Variants in ZBTB46 observed in about 807,000 individuals in gnomAD.
The protein encoded by ZBTB46 is zinc finger and BTB domain containing 46.
A neutral mutation model predicts 44.1 loss-of-function variants in ZBTB46; 8 were observed. The observed-to-expected ratio is 0.18, with a 90% CI of 0.11 to 0.33. The LOEUF (loss-of-function observed/expected upper bound fraction) is 0.33. Among genes scored for constraint, ZBTB46 ranks in the 10% least tolerant of loss-of-function variants. The probability of loss-of-function intolerance (pLI) is 1.00; values close to 1 mark genes in which losing one functional copy is unlikely to be tolerated. For missense variants in ZBTB46, 651 were observed against 847.7 expected (o/e 0.77, Z 2.88); for synonymous variants, 409 against 382.3 (o/e 1.07, Z -0.81).
intron 4 of ZBTB46, among the ~76,000 whole-genome samples, chr20:63,748,395 G>A (rs12053646): frequency 0.16 from 24,483 of 152,246 alleles, 2,717 homozygotes; most frequent in East Asian, 0.58. Flanking sequence ...GTGGGCTTCC[G>A]CTGAGGGTGG....
At position 63,765,693 on chromosome 20, in the gene ZBTB46, G is replaced by A. The variant is rs141568246; in HGVS notation, c.1222+9985C>T. 3.8e-3 allele frequency among the ~76,000 whole-genome samples: 554 copies of A among 145,858 alleles called. 4 individuals carry two copies. Among genetic ancestry groups the A allele is most frequent in the African/African-American group, 0.013 (519 of 38,588 alleles). On this transcript the variant is annotated intron_variant, in intron 3 of 4. Coordinates refer to ENST00000245663, the MANE Select transcript of ZBTB46 (RefSeq NM_001369741.1). ...AATCCTCCCGCCACAACCTCCCAAA[G>A]TACTGGGATTACAGGCATGAGCCAT...
At position 63,744,490 on chromosome 20, in the gene ZBTB46, A is replaced by AAAT. The variant is rs1183569369; in HGVS notation, c.*2437_*2439dup. 1 of 152,276 alleles carries AAAT rather than the reference A, an allele frequency of 6.6e-6. No homozygotes were observed. Among genetic ancestry groups the AAAT allele is most frequent in the African/African-American group, 2.4e-5 (1 of 41,432 alleles). 9.4% of individuals were successfully genotyped at this position (152,276 alleles called of 1,614,324 possible). ...CCAAAATACAAACAGACACAAACAAAAATACAAAATGTGAAATGTAATCTA... is the reference window on the plus strand; with the variant it reads ...CCAAAATACAAACAGACACAAACAAAAATAATACAAAATGTGAAATGTAATCTA... On this transcript the variant is annotated 3_prime_UTR_variant, in exon 5 of 5. Transcript: ENST00000245663.
chr20:63,776,865 A>G (rs904743779), intron 2 of ZBTB46, among the ~76,000 whole-genome samples: 1 of 152,184 alleles, frequency 6.6e-6, no homozygotes, highest in Admixed American at 6.6e-5. Context: ...CTGTAACTCA[A>G]TATAAAAATG....
intron 2 of ZBTB46, among the ~76,000 whole-genome samples, chr20:63,784,235 C>A (rs894346764): frequency 6.6e-6 from 1 of 152,224 alleles, no homozygotes; most frequent in Non-Finnish European, 1.5e-5. Context: ...CTGAGACCCG[C>A]CGGAGGCAGG....
In ZBTB46 at chr20:63,775,805, G is replaced by A. The variant is rs759299672; in HGVS notation, c.1095C>T (p.Thr365=). 5 of 1,613,420 alleles carry A rather than the reference G, an allele frequency of 3.1e-6. No individual in the cohort carries two copies. Among genetic ancestry groups the A allele is most frequent in the Non-Finnish European group, 4.2e-6 (5 of 1,179,990 alleles). Residue 365 remains threonine (T), a synonymous_variant, in exon 3 of 5, where the codon ACC becomes ACT. Transcript: ENST00000245663. ...GCGCCGCGCGCAGGTTGGCCACCGC[G>A]GTGGCCTGATGCAGGGCGTCGTCCT... is the stretch of plus-strand genomic sequence containing the variant. ...PEKDDALHQA[T]AVANLRAALM... is the part of the protein sequence containing the mutation.
At chr20:63,800,349 G>GA (rs2092634069) in intron 1 of ZBTB46, among the ~76,000 whole-genome samples, 2 of 152,362 alleles carry the variant, frequency 1.3e-5, no homozygotes, top group Admixed American at 1.3e-4. Context: ...GGGGTAGGGG[G>GA]AGAGGCTGCG....
rs146382366 is a variant in ZBTB46, at chr20:63,775,906, C to T, written c.994G>A (p.Glu332Lys). 13 of 1,605,572 alleles carry T rather than the reference C, an allele frequency of 8.1e-6. No individual in the cohort carries two copies. The highest frequency in any genetic ancestry group is 3.3e-4 in the Middle Eastern group (2 of 6,056). The change falls in exon 3 of 5, where the codon GAG becomes AAG. Residue 332 changes from glutamate (E) to lysine (K), a missense_variant. Physicochemically the swap from Glu to Lys is moderately conservative, Grantham distance 56. Coordinates refer to ENST00000245663, the MANE Select transcript of ZBTB46 (RefSeq NM_001369741.1). ...SSSDSRGERA[E>K]LYAQVEEGLL... is the part of the protein sequence containing the mutation. ...CCCTCCTCCACCTGTGCATAGAGCT[C>T]GGCCCTCTCTCCTCGGCTGTCGGAG...
chr20:63,831,939 G>A (rs1190386748), upstream of ZBTB46, among the ~76,000 whole-genome samples: 1 of 151,998 alleles, frequency 6.6e-6, no homozygotes, highest in Non-Finnish European at 1.5e-5. Context: ...TGGGCACCGC[G>A]CGCGCCTACC....
At chr20:63,800,928 C>T (rs776108330) in intron 1 of ZBTB46, among the ~76,000 whole-genome samples, 1 of 152,214 alleles carries the variant, frequency 6.6e-6, no homozygotes, top group Non-Finnish European at 1.5e-5. Context: ...GTGCACAGAG[C>T]GGGACTGGCA....
rs2092091506 is a variant in ZBTB46 at position 63,746,580 on chromosome 20, A to G, written c.*350T>C. On this transcript the variant is annotated 3_prime_UTR_variant, in exon 5 of 5. Transcript: ENST00000245663. The stretch of plus-strand genomic sequence containing the variant: ...GAACACACCACCCCGCCCAGTGCCC[A>G]CTGGACCCGGCCACAGGCCCATCAC... 7.6e-6 allele frequency: 2 copies of G among 262,600 alleles called. No individual in the cohort carries two copies. The highest frequency in any genetic ancestry group is 7.1e-5 in the East Asian group (1 of 14,002). The allele number at this position is 262,600 out of a possible 1,614,324, so 16.3% of individuals were successfully genotyped here.
intron 1 of ZBTB46, among the ~76,000 whole-genome samples, chr20:63,797,325 C>A (rs945518533): frequency 6.6e-6 from 1 of 152,144 alleles, no homozygotes; most frequent in African/African-American, 2.4e-5. Flanking sequence ...CTACAAAGGA[C>A]ATGAACGCAT....
chr20:63,785,851 C>T (rs1179265337), intron 2 of ZBTB46, among the ~76,000 whole-genome samples: 1 of 152,236 alleles, frequency 6.6e-6, no homozygotes, highest in Non-Finnish European at 1.5e-5. Flanking sequence ...GGAAGAGTTT[C>T]ACAGTTGCCT....
chr20:63,803,269 AAATT>A lies in ZBTB46; in HGVS notation c.-33-12483_-33-12480del, dbSNP rs2092660798. The A allele has an allele frequency of 5.1e-6, 5 of 979,682 alleles. No homozygotes were observed. The highest frequency in any genetic ancestry group is 4.7e-5 in the South Asian group (1 of 21,184). The allele number at this position is 979,682 out of a possible 1,614,324, so 60.7% of individuals were successfully genotyped here. On this transcript the variant is annotated intron_variant, in intron 1 of 4. Transcript: ENST00000245663. The surrounding 1 kb of genome is among the most constrained non-coding windows in gnomAD (Gnocchi z 4.0). ...GTTCATGGTTTACCTTCTTCTGAAA[AAATT>A]AAGGTTAAGACATGAATACTGTGAA...
chr20:63,779,997 G>A (rs1366965466), intron 2 of ZBTB46, among the ~76,000 whole-genome samples: 1 of 152,108 alleles, frequency 6.6e-6, no homozygotes. Context: ...TTTCCGCCAG[G>A]CACAGTGTCT....
chr20:63,788,938 C>T (rs977967854), intron 2 of ZBTB46, among the ~76,000 whole-genome samples: 6 of 150,044 alleles, frequency 4.0e-5, no homozygotes, highest in Non-Finnish European at 7.4e-5. Flanking sequence ...CAGGTTCAAG[C>T]GATTCTCCTG....
rs775133595 is a variant in ZBTB46 at position 63,745,666 on chromosome 20, T to A, written c.*1264A>T. 6.6e-6 allele frequency: 1 copy of A among 152,306 alleles called. No individual in the cohort carries two copies. The highest frequency in any genetic ancestry group is 1.5e-5 in the Non-Finnish European group (1 of 68,058). The allele number at this position is 152,306 out of a possible 1,614,324, so 9.4% of individuals were successfully genotyped here. A position where few individuals can be genotyped will look rare whatever the true frequency, so the allele number is the denominator to read the frequency against. ...CCAGAGGAGGGGGTGAAGGATGGAA[T>A]GTCCTCATGGTGAGTGCTGTCAGAG... On this transcript the variant is annotated 3_prime_UTR_variant, in exon 5 of 5. Transcript: ENST00000245663.
chr20:63,774,720 T>C (rs541460244), intron 3 of ZBTB46, among the ~76,000 whole-genome samples: 35 of 123,132 alleles, frequency 2.8e-4, no homozygotes, highest in African/African-American at 1.0e-3. Flanking sequence ...GTTTTTTTTT[T>C]TGAGACAGAG....
At position 63,767,890 on chromosome 20, in the gene ZBTB46, C is replaced by G; in HGVS notation, c.1222+7788G>C. On this transcript the variant is annotated intron_variant, in intron 3 of 4. Coordinates refer to ENST00000245663, the MANE Select transcript of ZBTB46 (RefSeq NM_001369741.1). This position sits in a 1 kb window ranked among gnomAD's most constrained non-coding sequence, Gnocchi z 5.0. ...CTCCTCAGGCATCCTGGACAGGCCA[C>G]AGGCCCTGCAGAAACCCACCCTCAT... is the stretch of plus-strand genomic sequence containing the variant. 1 of 985,472 alleles carries G rather than the reference C, an allele frequency of 1.0e-6. No individual in the cohort carries two copies. Among genetic ancestry groups the G allele is most frequent in the Non-Finnish European group, 1.2e-6 (1 of 829,942 alleles). 61.0% of individuals were successfully genotyped at this position (985,472 alleles called of 1,614,324 possible).
At chr20:63,771,230 C>T (rs906884686) in intron 3 of ZBTB46, among the ~76,000 whole-genome samples, 5 of 152,294 alleles carry the variant, frequency 3.3e-5, no homozygotes, top group Non-Finnish European at 2.9e-5. Flanking sequence ...GAGGAGCCGG[C>T]GGCCCCCGGG....
Sources: allele counts gnomAD v4.1 joint callset (sites outside exome capture counted in the v4.1 genomes callset), GRCh38; gene constraint gnomAD v4.1.1; non-coding constraint Gnocchi (gnomAD v3.1); transcripts MANE v1.5; gene names NCBI Gene and HGNC (gene_info 2026-07-23, HGNC 2026-07-21).